The following ERG variants were observed in gnomAD, a reference collection of about 807,000 sequenced individuals.
ERG encodes the protein ETS transcription factor ERG, also known as transcriptional regulator ERG.
In ERG, 9 loss-of-function variants were observed where a neutral mutation model predicts 55.3. The ratio of observed to expected loss-of-function variants is 0.16; its 90% CI spans 0.10 to 0.28. The LOEUF (loss-of-function observed/expected upper bound fraction) is 0.28, where lower values mean the gene tolerates loss of function less well. ERG is among the 10% of genes least tolerant of loss of function. The pLI is 1.00. For synonymous variants in ERG, 223 were observed against 237.3 expected, an observed-to-expected ratio of 0.94 and a Z score of 0.55; for missense variants, 434 against 631.6, an observed-to-expected ratio of 0.69 and a Z score of 3.35.
chr21:38,386,064 C>T (rs1000816834), intron 9 of ERG, among the ~76,000 whole-genome samples: 2 of 152,210 alleles, frequency 1.3e-5, no homozygotes, highest in African/African-American at 2.4e-5. Context: ...CTCTTATAAA[C>T]GTGTGTAGGA....
intron 7 of ERG, 114 bp downstream of exon 7, chr21:38,392,262 A>T (rs932181966): frequency 1.1e-6 from 1 of 879,750 alleles, no homozygotes; most frequent in African/African-American, 1.7e-5. Flanking sequence ...AATGGAACAA[A>T]CCCATCACAT....
chr21:38,555,839 T>C (rs1053842594), intron 2 of ERG, among the ~76,000 whole-genome samples: 1 of 152,206 alleles, frequency 6.6e-6, no homozygotes, highest in Non-Finnish European at 1.5e-5. Context: ...ACAAGTAATG[T>C]CATATACTGG....
At chr21:38,403,846 A>T in intron 3 of ERG, 137 bp from the exon 4 acceptor site, 1 of 739,686 alleles carries the variant, frequency 1.4e-6, no homozygotes. Context: ...CTGGCTACCC[A>T]GGAGAACATT....
chr21:38,627,956 T>G (rs78323929), intron 1 of ERG, among the ~76,000 whole-genome samples: 1 of 151,726 alleles, frequency 6.6e-6, no homozygotes, highest in Non-Finnish European at 1.5e-5. Context: ...TTTTTTTTTT[T>G]TGTGAAACAG....
At chr21:38,411,813 T>TAAAATTAAAAAATGCAAATTAAAATG (rs1989068516) in intron 3 of ERG, among the ~76,000 whole-genome samples, 2 of 152,238 alleles carry the variant, frequency 1.3e-5, no homozygotes, top group African/African-American at 4.8e-5. Context: ...AATTAAAATA[T>TAAAATTAAAAAATGCAAATTAAAATG]CTCACTAAAT....
chr21:38,380,972 C>T lies in ERG; in HGVS notation c.*2431G>A. On this transcript the variant is annotated 3_prime_UTR_variant, in exon 10 of 10. Coordinates refer to ENST00000288319, the MANE Select transcript of ERG (RefSeq NM_182918.4). ...TTTCCATTAGCACAGTTTGGGTCAG[C>T]CTAACTGCCAGCTTTCATGATTGTA... The T allele has an allele frequency of 9.4e-7, 1 of 1,064,700 alleles. No individual in the cohort carries two copies. The highest frequency in any genetic ancestry group is 1.1e-6 in the Non-Finnish European group (1 of 878,918). The allele number at this position is 1,064,700 out of a possible 1,614,324, so 66.0% of individuals were successfully genotyped here.
chr21:38,408,297 G>A (rs990973828), intron 3 of ERG, among the ~76,000 whole-genome samples: 5 of 152,100 alleles, frequency 3.3e-5, no homozygotes, highest in African/African-American at 1.2e-4. Context: ...TTGTTCCATG[G>A]GTGTCATTCC....
At chr21:38,513,265 C>T (rs117565676) in intron 2 of ERG, among the ~76,000 whole-genome samples, 1 of 151,978 alleles carries the variant, frequency 6.6e-6, no homozygotes, top group East Asian at 1.9e-4. Context: ...ATTAAATACA[C>T]TGTTAGTAAG....
In ERG at chr21:38,383,816, C is replaced by G. The variant is rs1279431714; in HGVS notation, c.1027G>C (p.Asp343His). 6.2e-7 allele frequency: 1 copy of G among 1,614,076 alleles called. No homozygotes were observed. The stretch of plus-strand genomic sequence containing the variant: ...CAGCGCCGGGCCACCTCGTCGGGAT[C>G]CGTCATCTTGAACTCCCCGTTGGTG... ...EGTNGEFKMT[D>H]PDEVARRWGE... Residue 343 changes from aspartate to histidine, a missense_variant, in exon 10 of 10, where the codon GAT becomes CAT. This residue lies in a region of ERG where 13 missense variants were observed against 76.6 expected (regional missense o/e 0.17). Coordinates refer to ENST00000288319, the MANE Select transcript of ERG (RefSeq NM_182918.4). The surrounding 1 kb of genome is among the most constrained non-coding windows in gnomAD (Gnocchi z 5.7).
At chr21:38,564,174 C>T (rs188410402) in intron 2 of ERG, among the ~76,000 whole-genome samples, 30 of 151,970 alleles carry the variant, frequency 2.0e-4, no homozygotes, top group Admixed American at 1.8e-3. Flanking sequence ...TGCCACAAGC[C>T]TTATCTCCTG....
intron 1 of ERG, among the ~76,000 whole-genome samples, chr21:38,494,371 G>A (rs1012055348): frequency 8.5e-5 from 13 of 152,166 alleles, no homozygotes; most frequent in African/African-American, 3.1e-4. Context: ...ACTCTCATCC[G>A]TCTGGCTTCC....
Position 38,598,067 on chromosome 21 carries a change from A to G in ERG, c.-149-13122T>C, listed in dbSNP as rs187724425. On this transcript the variant is annotated intron_variant, in intron 1 of 10. Coordinates refer to the ERG transcript ENST00000398910. Reference sequence around the variant, plus strand: ...TGGGCTCCCTAGATGGAGTTAAGGAAAGCCCTGATCTTGGACCAGCCACGT... The same window carrying G: ...TGGGCTCCCTAGATGGAGTTAAGGAGAGCCCTGATCTTGGACCAGCCACGT... Among the ~76,000 whole-genome samples the G allele has an allele frequency of 1.6e-3, 242 of 152,268 alleles. 1 individual carries two copies. The highest frequency in any genetic ancestry group is 4.5e-3 in the African/African-American group (187 of 41,558).
rs115457828 is a variant in ERG, at chr21:38,473,032, A to G, written c.18+25331T>C. ...CAGGCAGCAGGCACTGCGGGGCAGA[A>G]CTTCCGGGACCTGCAAGACCAGTCC... On this transcript the variant is annotated intron_variant, in intron 1 of 9. Coordinates refer to ENST00000288319, the MANE Select transcript of ERG (RefSeq NM_182918.4). Among the ~76,000 whole-genome samples the G allele has an allele frequency of 4.7e-3, 709 of 152,254 alleles. 11 individuals are homozygous for G. Among genetic ancestry groups the G allele is most frequent in the African/African-American group, 0.016 (673 of 41,540 alleles).
intron 9 of ERG, among the ~76,000 whole-genome samples, chr21:38,388,820 A>G (rs933993431): frequency 1.3e-5 from 2 of 152,112 alleles, no homozygotes; most frequent in African/African-American, 4.8e-5. Context: ...AGGTCCCTCT[A>G]TCTACAAAGG....
intron 1 of ERG, among the ~76,000 whole-genome samples, chr21:38,451,409 G>A (rs1316246428): frequency 1.3e-5 from 2 of 152,228 alleles, no homozygotes; most frequent in Admixed American, 6.5e-5. Flanking sequence ...ACATGGCCAG[G>A]TGTTGGGATG....
intron 2 of ERG, among the ~76,000 whole-genome samples, chr21:38,541,912 A>AAAATT (rs3065386): frequency 0.71 from 107,330 of 151,790 alleles, 38,379 homozygotes; most frequent in Non-Finnish European, 0.76. Flanking sequence ...CCTGGAACGT[A>AAAATT]AAATTAAATT....
intron 1 of ERG, among the ~76,000 whole-genome samples, chr21:38,648,243 T>C (rs1417932951): frequency 6.6e-6 from 1 of 152,234 alleles, no homozygotes; most frequent in African/African-American, 2.4e-5. Flanking sequence ...CCTTAATCTT[T>C]TTAAATCAGG....
At chr21:38,575,108 C>G (rs2059986777) in intron 2 of ERG, among the ~76,000 whole-genome samples, 1 of 152,166 alleles carries the variant, frequency 6.6e-6, no homozygotes, top group South Asian at 2.1e-4. Flanking sequence ...CAGAAAGCAG[C>G]CAGGGCAGGT....
chr21:38,627,504 G>GA (rs11365739), intron 1 of ERG, among the ~76,000 whole-genome samples: 72 of 150,652 alleles, frequency 4.8e-4, no homozygotes, highest in African/African-American at 1.6e-3. Context: ...TTGCCAGGAG[G>GA]AAAAAAAAAA....
Sources: gnomAD v4.1 joint callset for allele counts (sites outside exome capture counted in the v4.1 genomes callset) on GRCh38, gnomAD v4.1.1 for gene constraint, gnomAD v4.1.1 regional missense constraint, Gnocchi (gnomAD v3.1) non-coding constraint, MANE v1.5 for transcripts, NCBI Gene and HGNC (gene_info 2026-07-23, HGNC 2026-07-21) for gene names.